MAOB: variants seen among roughly 807,000 people sequenced by gnomAD.
MAOB encodes the protein amine oxidase [flavin-containing] B.
A neutral mutation model predicts 41.9 loss-of-function variants in MAOB; 15 were observed. The ratio of observed to expected loss-of-function variants is 0.36; its 90% CI spans 0.24 to 0.55. The LOEUF (loss-of-function observed/expected upper bound fraction) is 0.55. MAOB is among the 20% of genes least tolerant of loss of function. MAOB has a pLI of 0.86. For missense variants in MAOB, 345 were observed against 398.7 expected, an observed-to-expected ratio of 0.87 and a Z score of 1.15; for synonymous variants, 167 against 144.2, an observed-to-expected ratio of 1.16 and a Z score of -1.13.
intron 3 of MAOB, among the ~76,000 whole-genome samples, chrX:43,810,493 C>G (rs1162875660): frequency 1.8e-5 from 2 of 109,891 alleles, no homozygotes; most frequent in Admixed American, 2.0e-4. Flanking sequence ...TTAAGATTCT[C>G]AATTTCAATT....
intron 1 of MAOB, among the ~76,000 whole-genome samples, chrX:43,865,785 C>CTTT (rs1167310007): frequency 1.1e-5 from 1 of 94,303 alleles, no homozygotes. Flanking sequence ...TGCCCAAAAG[C>CTTT]TTTTTTTTTT....
chrX:43,780,447 T>C, intron 9 of MAOB, 52 bp from the exon 10 acceptor site: 1 of 974,756 alleles, frequency 1.0e-6, no homozygotes, highest in South Asian at 2.1e-5. Context: ...GGTTTCATCC[T>C]AGCCTCATTT....
At chrX:43,868,628 C>T (rs911503431) in intron 1 of MAOB, among the ~76,000 whole-genome samples, 3 of 110,769 alleles carry the variant, frequency 2.7e-5, no homozygotes, top group African/African-American at 9.9e-5. Flanking sequence ...TTTACTTATA[C>T]CCCTTATAAG....
At chrX:43,776,831 A>G (rs1244003348) in intron 11 of MAOB, among the ~76,000 whole-genome samples, 4 of 93,245 alleles carry the variant, frequency 4.3e-5, no homozygotes, top group Non-Finnish European at 8.2e-5. Context: ...TCATTGTTCA[A>G]TTCCCACCTA....
At chrX:43,838,768 C>T (rs746659805) in intron 3 of MAOB, 100 bp downstream of exon 3, 3 of 825,155 alleles carry the variant, frequency 3.6e-6, no homozygotes, top group African/African-American at 2.1e-5. Context: ...TTTGCATCAT[C>T]CAGAGATATA....
chrX:43,791,939 G>A (rs996845627), intron 8 of MAOB, among the ~76,000 whole-genome samples: 4 of 111,727 alleles, frequency 3.6e-5, no homozygotes, highest in Admixed American at 9.5e-5. Flanking sequence ...CTGCCCAATT[G>A]AGTAGTACAC....
intron 3 of MAOB, among the ~76,000 whole-genome samples, chrX:43,809,602 G>T (rs1298877425): frequency 1.8e-5 from 2 of 111,836 alleles, no homozygotes; most frequent in Non-Finnish European, 3.8e-5. Context: ...GGGAGTAAGT[G>T]GGGTAAGGAG....
intron 1 of MAOB, among the ~76,000 whole-genome samples, chrX:43,880,642 G>A (rs1050938869): frequency 3.6e-5 from 4 of 112,438 alleles, no homozygotes; most frequent in African/African-American, 9.7e-5. Flanking sequence ...ATCAGAGTTC[G>A]GGAGGATGAA....
rs191289625 is a variant in MAOB, at chrX:43,862,376, C to A, written c.47-18612G>T. On this transcript the variant is annotated intron_variant, in intron 1 of 14. Coordinates refer to ENST00000378069, the MANE Select transcript of MAOB (RefSeq NM_000898.5). Reference sequence around the variant, plus strand: ...TTCCCCAATTCCTTGTCTCTCTTAACTGACCCAAATTCAAAGCCAATAAAC... The same window carrying A: ...TTCCCCAATTCCTTGTCTCTCTTAAATGACCCAAATTCAAAGCCAATAAAC... Among the ~76,000 whole-genome samples, 704 of 111,756 alleles carry A rather than the reference C, an allele frequency of 6.3e-3. 3 individuals carry two copies. The highest frequency in any genetic ancestry group is 9.5e-3 in the Non-Finnish European group (503 of 53,152).
intron 3 of MAOB, among the ~76,000 whole-genome samples, chrX:43,825,753 T>C (rs2034938135): frequency 8.9e-6 from 1 of 112,433 alleles, no homozygotes; most frequent in Non-Finnish European, 1.9e-5. Context: ...TTTTGCATAA[T>C]TCAGCAAGTT....
At chrX:43,874,818 C>G (rs1388633846) in intron 1 of MAOB, among the ~76,000 whole-genome samples, 1 of 111,920 alleles carries the variant, frequency 8.9e-6, no homozygotes, top group African/African-American at 3.3e-5. Context: ...GAGACCTTCT[C>G]CAACTCCTGG....
chrX:43,823,274 G>T (rs1258612561), intron 3 of MAOB, among the ~76,000 whole-genome samples: 1 of 103,162 alleles, frequency 9.7e-6, no homozygotes, highest in Non-Finnish European at 2.0e-5. Flanking sequence ...CCGGGTTCCA[G>T]TGATTCTCCT....
intron 1 of MAOB, among the ~76,000 whole-genome samples, chrX:43,854,967 T>C (rs776469667): frequency 3.6e-5 from 4 of 110,796 alleles, no homozygotes; most frequent in Non-Finnish European, 7.6e-5. Flanking sequence ...ACCGAGACAT[T>C]TTCTGGCTTC....
intron 1 of MAOB, 133 bp downstream of exon 1, chrX:43,882,121 A>G (rs1429947169): frequency 1.9e-6 from 2 of 1,071,030 alleles, no homozygotes; most frequent in Non-Finnish European, 2.4e-6. Flanking sequence ...GACCCACTAG[A>G]GCCCTGCCCG....
chrX:43,837,785 G>A (rs1409081560), intron 3 of MAOB: 3 of 315,601 alleles, frequency 9.5e-6, no homozygotes, highest in Non-Finnish European at 1.8e-5. Flanking sequence ...ACCCACAGGA[G>A]CAAGTGAAGA....
intron 3 of MAOB, among the ~76,000 whole-genome samples, chrX:43,805,685 T>TA (rs2034654202): frequency 8.9e-6 from 1 of 112,437 alleles, no homozygotes; most frequent in South Asian, 3.7e-4. Context: ...CACCTGTTGA[T>TA]AACTATTTCT....
chrX:43,881,963 A>G (rs1013626133), intron 1 of MAOB, among the ~76,000 whole-genome samples: 2 of 112,129 alleles, frequency 1.8e-5, no homozygotes, highest in Non-Finnish European at 3.8e-5. Flanking sequence ...GGCTTCGAAA[A>G]TTCCAGCAAG....
intron 11 of MAOB, among the ~76,000 whole-genome samples, chrX:43,776,821 T>C (rs1199489732): frequency 4.3e-5 from 4 of 93,689 alleles, no homozygotes; most frequent in Admixed American, 1.3e-4. Context: ...CCATGTGTTC[T>C]CATTGTTCAA....
intron 6 of MAOB, among the ~76,000 whole-genome samples, chrX:43,796,191 G>T (rs930841295): frequency 1.4e-4 from 16 of 111,507 alleles, no homozygotes; most frequent in Non-Finnish European, 2.4e-4. Flanking sequence ...TGTCCTATCT[G>T]CAGTCTTTTG....
Sources: gnomAD v4.1 joint callset for allele counts (sites outside exome capture counted in the v4.1 genomes callset) on GRCh38, gnomAD v4.1.1 for gene constraint, MANE v1.5 for transcripts, NCBI Gene and HGNC (gene_info 2026-07-23, HGNC 2026-07-21) for gene names.